FBXL2: variants seen among roughly 807,000 people sequenced by gnomAD.
FBXL2 encodes the protein F-box and leucine rich repeat protein 2.
FBXL2 carries 38 observed loss-of-function variants against 69.2 expected under a neutral mutation model. The observed-to-expected ratio is 0.55, with a 90% CI of 0.42 to 0.72. FBXL2 has a LOEUF of 0.72. FBXL2 is among the 30% of genes least tolerant of loss of function. The pLI is 0.00. For synonymous variants in FBXL2, 192 were observed against 201.3 expected (o/e 0.95, Z 0.39); for missense variants, 354 against 520.3 (o/e 0.68, Z 3.11).
At chr3:33,303,601 A>G (rs1394935065) in intron 2 of FBXL2, among the ~76,000 whole-genome samples, 1 of 152,146 alleles carries the variant, frequency 6.6e-6, no homozygotes, top group Non-Finnish European at 1.5e-5. Context: ...TTAGAGATCT[A>G]TTCATTTAAA....
rs1013341471 is a variant in FBXL2, at chr3:33,289,808, T to C, written c.4-7856T>C. ...GGGTCCTGCTGAGGTGGGTGGATTC[T>C]GCTGAAGGTTGGGGGCAGGGCAGGA... On this transcript the variant is annotated intron_variant, in intron 1 of 14. Transcript: ENST00000484457. 5.4e-5 allele frequency: 53 copies of C among 985,180 alleles called. No homozygotes were observed. The Admixed American group carries it at 9.2e-4, about 17-fold the overall frequency. 61.0% of individuals were successfully genotyped at this position (985,180 alleles called of 1,614,324 possible). A position where few individuals can be genotyped will look rare whatever the true frequency, so the allele number is the denominator to read the frequency against.
chr3:33,340,343 C>T (rs748337498), intron 2 of FBXL2, among the ~76,000 whole-genome samples: 28 of 151,878 alleles, frequency 1.8e-4, no homozygotes, highest in Non-Finnish European at 2.8e-4. Context: ...AATGACCATC[C>T]GATATCATTG....
At chr3:33,282,090 CTTTTGGTG>C (rs2034074441) in intron 1 of FBXL2, among the ~76,000 whole-genome samples, 1 of 152,100 alleles carries the variant, frequency 6.6e-6, no homozygotes, top group Admixed American at 6.5e-5. Context: ...GTTGCCATTG[CTTTTGGTG>C]TTTTAGTCAC....
chr3:33,367,148 T>C (rs917801266), intron 5 of FBXL2, among the ~76,000 whole-genome samples: 1 of 151,866 alleles, frequency 6.6e-6, no homozygotes, highest in African/African-American at 2.4e-5. Context: ...CAGGCTGGAG[T>C]GCAATGGCAC....
At chr3:33,337,790 CA>C (rs1230670643) in intron 2 of FBXL2, among the ~76,000 whole-genome samples, 1 of 152,154 alleles carries the variant, frequency 6.6e-6, no homozygotes, top group African/African-American at 2.4e-5. Context: ...ACTTAATGTA[CA>C]AAAGTCAGTA....
chr3:33,313,734 A>G (rs1037398190), intron 2 of FBXL2, among the ~76,000 whole-genome samples: 26 of 152,152 alleles, frequency 1.7e-4, no homozygotes, highest in Middle Eastern at 3.4e-3. Context: ...GACATGAACC[A>G]CTGCATCCAG....
Position 33,373,882 on chromosome 3 carries a change from C to T in FBXL2, c.618C>T (p.Tyr206=), listed in dbSNP as rs1298489372. The change falls in exon 9 of 15, where the codon TAC becomes TAT. Residue 206 remains tyrosine (Y), a synonymous_variant. Transcript: ENST00000484457. ...EDEALKHIQN[Y]CHELVSLNLQ... ...AAGCTCTGAAACACATTCAGAATTA[C>T]TGCCATGAGCTTGTGAGCCTCAACT... 6.2e-7 allele frequency: 1 copy of T among 1,614,220 alleles called. No individual in the cohort carries two copies. Among genetic ancestry groups the T allele is most frequent in the Non-Finnish European group, 8.5e-7 (1 of 1,180,032 alleles).
chr3:33,324,357 T>G (rs897577732), intron 2 of FBXL2, among the ~76,000 whole-genome samples: 6 of 152,216 alleles, frequency 3.9e-5, no homozygotes, highest in African/African-American at 1.4e-4. Context: ...TTTTGGTGTT[T>G]TAGTCATGAA....
At chr3:33,331,767 C>A (rs2039185319) in intron 2 of FBXL2, among the ~76,000 whole-genome samples, 2 of 151,972 alleles carry the variant, frequency 1.3e-5, no homozygotes, top group African/African-American at 4.8e-5. Context: ...TGGAAATGAT[C>A]CTTGTTAAGG....
chr3:33,337,840 A>G (rs984372150), intron 2 of FBXL2, among the ~76,000 whole-genome samples: 3 of 152,230 alleles, frequency 2.0e-5, no homozygotes, highest in African/African-American at 7.2e-5. Flanking sequence ...CTGAGAGCCA[A>G]ATCAAGAACG....
At chr3:33,302,020 G>A (rs779046067) in intron 2 of FBXL2, among the ~76,000 whole-genome samples, 2 of 152,076 alleles carry the variant, frequency 1.3e-5, no homozygotes, top group Non-Finnish European at 2.9e-5. Context: ...TACCTGGCAT[G>A]TAAGTATTAA....
intron 2 of FBXL2, among the ~76,000 whole-genome samples, chr3:33,308,611 C>T (rs1008338382): frequency 1.3e-5 from 2 of 152,174 alleles, no homozygotes; most frequent in Non-Finnish European, 2.9e-5. Context: ...GACACTAACA[C>T]AGTTGTCATC....
At chr3:33,397,599 G>A (rs1048719658) in intron 12 of FBXL2, 4 of 152,332 alleles carry the variant, frequency 2.6e-5, no homozygotes, top group Non-Finnish European at 4.4e-5. Flanking sequence ...GTTGGTAGCC[G>A]AACTAGGACT....
At chr3:33,333,246 T>C (rs1232342769) in intron 2 of FBXL2, among the ~76,000 whole-genome samples, 1 of 152,204 alleles carries the variant, frequency 6.6e-6, no homozygotes, top group African/African-American at 2.4e-5. Context: ...AAAATAAGTA[T>C]TGATTGTTTA....
the FBXL2 span, among the ~76,000 whole-genome samples, chr3:33,421,267 G>C: frequency 6.9e-6 from 1 of 144,910 alleles, no homozygotes; most frequent in African/African-American, 2.5e-5. Flanking sequence ...GCATAACCAG[G>C]GAAACACAAA....
intron 2 of FBXL2, among the ~76,000 whole-genome samples, chr3:33,316,548 C>A (rs1464295388): frequency 6.6e-6 from 1 of 152,132 alleles, no homozygotes; most frequent in Non-Finnish European, 1.5e-5. Context: ...AATTTCCTCC[C>A]AGTATCATCA....
intron 2 of FBXL2, chr3:33,317,659 G>A: frequency 2.8e-6 from 1 of 362,926 alleles, no homozygotes; most frequent in Non-Finnish European, 5.5e-6. Context: ...TTGTTTACTG[G>A]AGGGGGCTCC....
intron 12 of FBXL2, chr3:33,400,997 G>A (rs1389463292): frequency 6.3e-7 from 1 of 1,593,324 alleles, no homozygotes; most frequent in African/African-American, 1.4e-5. Flanking sequence ...TCTCCCTGAT[G>A]ATTTGGGGAA....
intron 13 of FBXL2, among the ~76,000 whole-genome samples, chr3:33,382,215 T>A (rs995409649): frequency 6.6e-6 from 1 of 152,248 alleles, no homozygotes; most frequent in African/African-American, 2.4e-5. Flanking sequence ...GTATCCACTT[T>A]CGCACTAAAA....
Sources: gnomAD v4.1 joint callset for allele counts (sites outside exome capture counted in the v4.1 genomes callset) on GRCh38, gnomAD v4.1.1 for gene constraint, MANE v1.5 for transcripts, NCBI Gene and HGNC (gene_info 2026-07-23, HGNC 2026-07-21) for gene names.